DIS3L2: variants seen among roughly 807,000 people sequenced by gnomAD.
DIS3L2 encodes the protein DIS3-like exonuclease 2.
A neutral mutation model predicts 97.5 loss-of-function variants in DIS3L2; 34 were observed. The observed-to-expected ratio is 0.35, with a 90% confidence interval of 0.27 to 0.46. The LOEUF (loss-of-function observed/expected upper bound fraction) is 0.46, where lower values mean the gene tolerates loss of function less well. Ranked by LOEUF, DIS3L2 falls within the 20% of genes least tolerant of loss-of-function variation. The pLI, the probability that DIS3L2 is intolerant of heterozygous loss-of-function variation, is 1.00. For missense variants in DIS3L2, 1,038 were observed against 1,146.0 expected, an observed-to-expected ratio of 0.91 and a Z score of 1.36; for synonymous variants, 435 against 445.2, an observed-to-expected ratio of 0.98 and a Z score of 0.29.
chr2:232,336,654 C>T lies in DIS3L2; in HGVS notation c.*24C>T. On this transcript the variant is annotated 3_prime_UTR_variant, in exon 21 of 21. Coordinates refer to ENST00000325385, the MANE Select transcript of DIS3L2 (RefSeq NM_152383.5). ...GAGCTCCACCAGCCGCCTGCCCCGC[C>T]TGCCCCGCCTGCCTGTCCCGCCACA... 1 of 1,541,516 alleles carries T rather than the reference C, an allele frequency of 6.5e-7. No homozygotes were observed.
chr2:232,129,769 A>G (rs986027663), intron 6 of DIS3L2, among the ~76,000 whole-genome samples: 1 of 152,236 alleles, frequency 6.6e-6, no homozygotes, highest in East Asian at 1.9e-4. Flanking sequence ...GATAAGTGCA[A>G]GTTTCTCTTA....
intron 6 of DIS3L2, among the ~76,000 whole-genome samples, chr2:232,104,337 G>T (rs1030465868): frequency 6.6e-6 from 1 of 152,042 alleles, no homozygotes; most frequent in Non-Finnish European, 1.5e-5. Context: ...CCTCCCTGAC[G>T]CAGCAGGTAT....
At chr2:232,101,436 C>A (rs1697202969) in intron 6 of DIS3L2, among the ~76,000 whole-genome samples, 1 of 152,076 alleles carries the variant, frequency 6.6e-6, no homozygotes, top group Non-Finnish European at 1.5e-5. Flanking sequence ...ATGTGGATAA[C>A]TATTTGTACC....
intron 14 of DIS3L2, among the ~76,000 whole-genome samples, chr2:232,312,600 A>G (rs1695167626): frequency 6.6e-6 from 1 of 152,216 alleles, no homozygotes; most frequent in South Asian, 2.1e-4. Context: ...TTCCATATAG[A>G]TTTTAGAATC....
chr2:232,033,806 C>T (rs1694877264), intron 5 of DIS3L2, among the ~76,000 whole-genome samples: 1 of 152,180 alleles, frequency 6.6e-6, no homozygotes, highest in South Asian at 2.1e-4. Context: ...CCTTGCATCC[C>T]AGGGATGAAG....
intron 9 of DIS3L2, among the ~76,000 whole-genome samples, chr2:232,169,858 G>C (rs1335163739): frequency 6.6e-6 from 1 of 152,128 alleles, no homozygotes; most frequent in African/African-American, 2.4e-5. Flanking sequence ...CCAGTTTTTT[G>C]GTCCAATGGA....
At chr2:232,246,753 T>C (rs1371591963) in intron 11 of DIS3L2, among the ~76,000 whole-genome samples, 3 of 152,208 alleles carry the variant, frequency 2.0e-5, no homozygotes, top group African/African-American at 7.2e-5. Context: ...GAGGCCCTTT[T>C]TGCAAATAAT....
At chr2:232,314,552 CT>C (rs1409388824) in intron 14 of DIS3L2, among the ~76,000 whole-genome samples, 1 of 152,166 alleles carries the variant, frequency 6.6e-6, no homozygotes. Flanking sequence ...AGAGATTTCC[CT>C]ATGAGACAGA....
intron 11 of DIS3L2, among the ~76,000 whole-genome samples, chr2:232,247,576 C>T (rs995198674): frequency 3.2e-5 from 4 of 124,564 alleles, no homozygotes; most frequent in African/African-American, 6.3e-5. Context: ...TCTCTATATA[C>T]GGTCACACTG....
intron 11 of DIS3L2, among the ~76,000 whole-genome samples, chr2:232,247,307 A>G (rs1399754119): frequency 2.6e-5 from 4 of 152,198 alleles, no homozygotes; most frequent in African/African-American, 7.2e-5. Flanking sequence ...GTAACATGCC[A>G]TAGCTTAAAC....
chr2:232,049,517 C>T (rs1212698975), intron 5 of DIS3L2, among the ~76,000 whole-genome samples: 1 of 152,138 alleles, frequency 6.6e-6, no homozygotes, highest in Non-Finnish European at 1.5e-5. Flanking sequence ...TGCCTTCCGA[C>T]TTCTACCTTC....
intron 4 of DIS3L2, among the ~76,000 whole-genome samples, chr2:232,025,472 C>A (rs1276976490): frequency 2.0e-5 from 3 of 152,134 alleles, no homozygotes; most frequent in African/African-American, 7.2e-5. Context: ...CACATTGCAT[C>A]CAAGTTCGAG....
At chr2:232,254,149 G>A (rs16828725) in intron 12 of DIS3L2, among the ~76,000 whole-genome samples, 1,563 of 152,272 alleles carry the variant, frequency 0.01, 21 homozygotes, top group African/African-American at 0.035. Context: ...AACCCAGTCC[G>A]TAATAGATTT....
intron 9 of DIS3L2, among the ~76,000 whole-genome samples, chr2:232,207,214 A>G (rs940307371): frequency 6.6e-6 from 1 of 152,156 alleles, no homozygotes; most frequent in Non-Finnish European, 1.5e-5. Flanking sequence ...TTTATTGAGT[A>G]CTCAGTGTAT....
chr2:232,079,307 C>G (rs1190571989), intron 5 of DIS3L2, among the ~76,000 whole-genome samples: 1 of 151,848 alleles, frequency 6.6e-6, no homozygotes, highest in East Asian at 1.9e-4. Context: ...GAAAATAAAG[C>G]TGGATAAGGC....
chr2:232,071,339 T>C (rs1048640125), intron 5 of DIS3L2, among the ~76,000 whole-genome samples: 2 of 151,640 alleles, frequency 1.3e-5, no homozygotes, highest in African/African-American at 4.8e-5. Context: ...CTGGGCAACA[T>C]AGTGACCCTG....
intron 9 of DIS3L2, among the ~76,000 whole-genome samples, chr2:232,182,593 TTTG>T (rs1212646563): frequency 2.6e-5 from 4 of 152,246 alleles, no homozygotes; most frequent in Non-Finnish European, 5.9e-5. Context: ...ATTTTGTGGC[TTTG>T]TTGTTAGATG....
intron 5 of DIS3L2, among the ~76,000 whole-genome samples, chr2:232,082,405 G>A (rs1383267453): frequency 2.6e-5 from 4 of 152,202 alleles, no homozygotes; most frequent in Non-Finnish European, 4.4e-5. Context: ...GTGGGCAAGT[G>A]AGCATTACCG....
chr2:232,282,142 T>TAAA (rs60408194), intron 13 of DIS3L2, among the ~76,000 whole-genome samples: 16 of 107,142 alleles, frequency 1.5e-4, no homozygotes, highest in East Asian at 5.3e-4. Flanking sequence ...CTCGTTTATT[T>TAAA]AAAAAAAAAA....
Sources: allele counts gnomAD v4.1 joint callset (sites outside exome capture counted in the v4.1 genomes callset), GRCh38; gene constraint gnomAD v4.1.1; transcripts MANE v1.5; gene names NCBI Gene and HGNC (gene_info 2026-07-23, HGNC 2026-07-21).